Variants in MTA1 observed in about 807,000 individuals in gnomAD.
The protein encoded by MTA1 is metastasis associated 1, also known as metastasis-associated protein MTA1.
Under a neutral mutation model 97.0 loss-of-function variants are expected in MTA1, and 15 were observed. That is an observed-to-expected ratio of 0.15 (90% CI 0.10 to 0.24). The LOEUF (loss-of-function observed/expected upper bound fraction) is 0.24. Among genes scored for constraint, MTA1 ranks in the 10% least tolerant of loss-of-function variants. MTA1 has a pLI of 1.00. For missense variants in MTA1, 709 were observed against 1,015.1 expected, an observed-to-expected ratio of 0.70 and a Z score of 4.10; for synonymous variants, 435 against 417.5, an observed-to-expected ratio of 1.04 and a Z score of -0.51.
intron 18 of MTA1, chr14:105,467,381 G>A (rs951797800): frequency 8.6e-5 from 39 of 455,028 alleles, no homozygotes; most frequent in Middle Eastern, 3.7e-4. Context: ...TTTCACTGAC[G>A]GTGCTGGCCA....
intron 16 of MTA1, 28 bp from the exon 17 acceptor site, chr14:105,466,398 C>T (rs1555432780): frequency 6.3e-7 from 1 of 1,586,910 alleles, no homozygotes; most frequent in Admixed American, 1.7e-5. Context: ...GCAGAGGCAA[C>T]TCGTTCTGCC....
At chr14:105,462,863 C>T (rs587599658) in intron 10 of MTA1, among the ~76,000 whole-genome samples, 5 of 152,172 alleles carry the variant, frequency 3.3e-5, no homozygotes, top group East Asian at 1.9e-4. Context: ...AGCGAGACTC[C>T]GTCTCAAAAA....
At position 105,424,387 on chromosome 14, in the gene MTA1, G is replaced by C. The variant is rs2081946417; in HGVS notation, c.28+4324G>C. Among the ~76,000 whole-genome samples the C allele has an allele frequency of 6.6e-6, 1 of 150,604 alleles. No individual in the cohort carries two copies. The highest frequency in any genetic ancestry group is 1.5e-5 in the Non-Finnish European group (1 of 67,754). ...GTTTTGTAATTTTTTTTTTTTTGTA[G>C]AGACGGGGTTTCACTGTGTTAGCCA... On this transcript the variant is annotated intron_variant, in intron 1 of 20. Transcript: ENST00000331320. This position sits in a 1 kb window ranked among gnomAD's most constrained non-coding sequence, Gnocchi z 4.0.
At chr14:105,449,276 G>T in intron 3 of MTA1, 83 bp from the exon 4 acceptor site, 1 of 1,435,108 alleles carries the variant, frequency 7.0e-7, no homozygotes, top group Non-Finnish European at 9.4e-7. Flanking sequence ...TGGCGGCACA[G>T]CCCTCGGTCC....
chr14:105,444,444 C>A lies in MTA1; in HGVS notation c.97-974C>A, dbSNP rs139570812. Among the ~76,000 whole-genome samples, 803 of 152,234 alleles carry A rather than the reference C, an allele frequency of 5.3e-3. 8 individuals are homozygous for A. The highest frequency in any genetic ancestry group is 0.018 in the African/African-American group (750 of 41,532). ...GATGGAGGCTGCAGTGACCTGACAT[C>A]ACACTGCTGCATTCTAGTCTGGGCA... On this transcript the variant is annotated intron_variant, in intron 2 of 20. Coordinates refer to ENST00000331320, the MANE Select transcript of MTA1 (RefSeq NM_004689.4).
chr14:105,469,475 A>G lies in MTA1; in HGVS notation c.1822A>G (p.Asn608Asp), dbSNP rs1555433775. The G allele has an allele frequency of 6.2e-7, 1 of 1,612,966 alleles. No individual in the cohort carries two copies. Among genetic ancestry groups the G allele is most frequent in the Admixed American group, 1.7e-5 (1 of 60,026 alleles). ...CCTCCATTTCTCATCAGGTCTGGCA[A>G]ACCACGGACAGGCCAGGCACATGGT... is the stretch of plus-strand genomic sequence containing the variant. ...RLLMPSRGLA[N>D]HGQARHMGPS... Residue 608 changes from asparagine (N) to aspartate (D), a missense_variant, in exon 19 of 21, where the codon AAC becomes GAC. Asn to Asp is a conservative substitution (Grantham distance 23). Around this residue, in one of 2 missense-constraint regions of MTA1, gnomAD observed 388 missense variants for 421.6 expected, o/e 0.92. Coordinates refer to ENST00000331320, the MANE Select transcript of MTA1 (RefSeq NM_004689.4).
chr14:105,449,459 G>A, intron 4 of MTA1, 50 bp downstream of exon 4: 1 of 1,591,702 alleles, frequency 6.3e-7, no homozygotes, highest in Non-Finnish European at 8.6e-7. Flanking sequence ...GTGTCCCTGG[G>A]CTGGGGGCGG....
At chr14:105,460,613 C>G in intron 9 of MTA1, 152 bp from the exon 10 acceptor site, 1 of 1,191,522 alleles carries the variant, frequency 8.4e-7, no homozygotes. Context: ...CTATCCACCC[C>G]AAACTCGGCC....
At chr14:105,461,972 A>G (rs1555431113) in intron 10 of MTA1, among the ~76,000 whole-genome samples, 1 of 152,216 alleles carries the variant, frequency 6.6e-6, no homozygotes, top group Non-Finnish European at 1.5e-5. Context: ...AAATTCACCA[A>G]CTAGGCTCAG....
Position 105,464,817 on chromosome 14 carries a change from G to A in MTA1, c.1488G>A (p.Ala496=), listed in dbSNP as rs80078427. 0.015 allele frequency: 24,312 copies of A among 1,600,476 alleles called. 315 individuals are homozygous for A. The highest frequency in any genetic ancestry group is 0.016 in the South Asian group (1,471 of 90,622). The change falls in exon 15 of 21, where the codon GCG becomes GCA. Residue 496 remains alanine, a synonymous_variant. Transcript: ENST00000331320. ...CREILRPWHA[A]RHPYLPINSA... ...AGATCCTGCGCCCGTGGCACGCTGCGCGGCACCCCTACCTGCCCATCAACA... is the reference window on the plus strand; with the variant it reads ...AGATCCTGCGCCCGTGGCACGCTGCACGGCACCCCTACCTGCCCATCAACA...
chr14:105,438,756 G>T lies in MTA1; in HGVS notation c.96+17G>T. The T allele has an allele frequency of 6.2e-7, 1 of 1,611,658 alleles. No homozygotes were observed. The highest frequency in any genetic ancestry group is 8.5e-7 in the Non-Finnish European group (1 of 1,179,308). On this transcript the variant is annotated intron_variant, in intron 2 of 20. Transcript: ENST00000331320. ...CTCAACAAGGTACTGGGGGGCCCTG[G>T]TGTTGCTGCAGGGGGGTAGTGGGTG... is the stretch of plus-strand genomic sequence containing the variant.
Position 105,466,153 on chromosome 14 carries a change from A to G in MTA1, c.1625-273A>G, listed in dbSNP as rs1595422825. On this transcript the variant is annotated intron_variant, in intron 16 of 20. Transcript: ENST00000331320. The stretch of plus-strand genomic sequence containing the variant: ...TATGGATCCTGTTGTCCCGGGGCTG[A>G]GGGGCCTGGCCCCCGCCAGGTGGTC... 3.8e-5 allele frequency: 20 copies of G among 530,672 alleles called. No homozygotes were observed. In the East Asian group the frequency reaches 6.8e-4, roughly 18 times the overall value. 32.9% of individuals were successfully genotyped at this position (530,672 alleles called of 1,614,324 possible).
At chr14:105,460,665 T>G (rs2083314588) in intron 9 of MTA1, 100 bp from the exon 10 acceptor site, 2 of 1,343,784 alleles carry the variant, frequency 1.5e-6, no homozygotes, top group Non-Finnish European at 2.0e-6. Context: ...CTGCTGGGCC[T>G]GCAGTAGGGG....
chr14:105,430,951 A>G (rs956882172), intron 1 of MTA1, among the ~76,000 whole-genome samples: 2 of 152,164 alleles, frequency 1.3e-5, no homozygotes, highest in Non-Finnish European at 2.9e-5. Flanking sequence ...GGTGGGGTTG[A>G]ATATTTGTGA....
In MTA1 at chr14:105,464,417, C is replaced by T; in HGVS notation, c.1194C>T (p.Thr398=). The stretch of plus-strand genomic sequence containing the variant: ...TATTTCCAACTTTGTTGTCCGTAGC[C>T]ACACAGTCTTACCAGTGGTATTCTT... The part of the protein sequence containing the change: ...GAGRACESCY[T]TQSYQWYSWG... Residue 398 remains threonine, a splice_region_variant and synonymous_variant, in exon 14 of 21, where the codon ACC becomes ACT. Transcript: ENST00000331320. The T allele has an allele frequency of 6.2e-7, 1 of 1,613,106 alleles. No individual in the cohort carries two copies.
intron 13 of MTA1, 74 bp downstream of exon 13, chr14:105,464,221 G>T: frequency 2.7e-6 from 4 of 1,505,062 alleles, no homozygotes; most frequent in Non-Finnish European, 3.6e-6. Flanking sequence ...GGCCCTGAGG[G>T]CTCCAGCATG....
In MTA1 at chr14:105,458,364, G is replaced by A. The variant is rs1555430371; in HGVS notation, c.645G>A (p.Val215=). 1.9e-6 allele frequency: 3 copies of A among 1,612,604 alleles called. No individual in the cohort carries two copies. The highest frequency in any genetic ancestry group is 1.7e-6 in the Non-Finnish European group (2 of 1,179,884). Residue 215 remains valine (V), a synonymous_variant, in exon 8 of 21, where the codon GTG becomes GTA. Coordinates refer to ENST00000331320, the MANE Select transcript of MTA1 (RefSeq NM_004689.4). ...LTDKQIDQFL[V]VARSVGTFAR... is the part of the protein sequence containing the mutation. ...ACAAGCAGATCGACCAGTTCCTGGT[G>A]GTGGCCCGGTGAGTCCTGCTCCTGG...
chr14:105,466,648 C>T, intron 17 of MTA1, 59 bp from the exon 18 acceptor site: 3 of 1,590,192 alleles, frequency 1.9e-6, no homozygotes. Context: ...CCCGCCCGGG[C>T]ACCCGCCGTG....
intron 6 of MTA1, among the ~76,000 whole-genome samples, chr14:105,451,402 T>C (rs1159721075): frequency 6.6e-5 from 10 of 152,194 alleles, no homozygotes; most frequent in Non-Finnish European, 1.5e-4. Flanking sequence ...TCGTAACACA[T>C]GCGTGGAGCA....
Sources: allele counts gnomAD v4.1 joint callset (sites outside exome capture counted in the v4.1 genomes callset), GRCh38; gene constraint gnomAD v4.1.1; regional missense constraint gnomAD v4.1.1; non-coding constraint Gnocchi (gnomAD v3.1); transcripts MANE v1.5; gene names NCBI Gene and HGNC (gene_info 2026-07-23, HGNC 2026-07-21).